The following PRKRIP1 variants were observed in gnomAD, a reference collection of about 807,000 sequenced individuals.
PRKRIP1 encodes the protein PRKR-interacting protein 1.
Under a neutral mutation model 29.3 loss-of-function variants are expected in PRKRIP1, and 29 were observed. The ratio of observed to expected loss-of-function variants is 0.99; its 90% CI spans 0.74 to 1.35. PRKRIP1 has a LOEUF of 1.35. Among genes scored for constraint, PRKRIP1 ranks in the 40% most tolerant of loss-of-function variants. PRKRIP1 has a pLI of 0.00. For synonymous variants in PRKRIP1, 90 were observed against 85.1 expected (o/e 1.06, Z -0.32); for missense variants, 247 against 236.8 (o/e 1.04, Z -0.28).
At chr7:102,403,630 G>A (rs1382998932) in intron 3 of PRKRIP1, among the ~76,000 whole-genome samples, 1 of 152,184 alleles carries the variant, frequency 6.6e-6, no homozygotes, top group East Asian at 1.9e-4. Flanking sequence ...CTGAGTATCA[G>A]CCTCCCAAAG....
At chr7:102,407,642 A>G (rs1168447667) in intron 5 of PRKRIP1, 144 bp downstream of exon 5, 1 of 647,576 alleles carries the variant, frequency 1.5e-6, no homozygotes, top group African/African-American at 1.8e-5. Flanking sequence ...ATTAGCTAGG[A>G]CCCATTGAAT....
At chr7:102,399,470 C>T in intron 2 of PRKRIP1, 78 bp from the exon 3 acceptor site, 1 of 1,187,594 alleles carries the variant, frequency 8.4e-7, no homozygotes. Flanking sequence ...CTTTTTGTTT[C>T]TTTAGTCACC....
At chr7:102,403,625 T>C (rs1796130269) in intron 3 of PRKRIP1, among the ~76,000 whole-genome samples, 1 of 152,200 alleles carries the variant, frequency 6.6e-6, no homozygotes, top group South Asian at 2.1e-4. Context: ...GCCTCCTGAG[T>C]ATCAGCCTCC....
chr7:102,401,856 T>C (rs1298253138), intron 3 of PRKRIP1, among the ~76,000 whole-genome samples: 1 of 152,142 alleles, frequency 6.6e-6, no homozygotes, highest in African/African-American at 2.4e-5. Flanking sequence ...TGAGCTGAGA[T>C]TGTGCCACTG....
intron 5 of PRKRIP1, among the ~76,000 whole-genome samples, chr7:102,417,991 A>C (rs1424838625): frequency 1.3e-5 from 2 of 150,174 alleles, no homozygotes; most frequent in Non-Finnish European, 3.0e-5. Flanking sequence ...ACCTGGGATC[A>C]GCCATTTGTC....
intron 5 of PRKRIP1, among the ~76,000 whole-genome samples, chr7:102,421,754 G>C (rs577717119): frequency 6.6e-6 from 1 of 151,268 alleles, no homozygotes; most frequent in African/African-American, 2.4e-5. Flanking sequence ...CCAAGATCGC[G>C]CCACTGCCCT....
intron 5 of PRKRIP1, among the ~76,000 whole-genome samples, chr7:102,409,456 T>C (rs1284549414): frequency 6.6e-6 from 1 of 151,960 alleles, no homozygotes; most frequent in Non-Finnish European, 1.5e-5. Context: ...AAGGGGTTAT[T>C]GTAGCTTGGA....
chr7:102,396,581 C>A (rs1795904553), intron 1 of PRKRIP1, 44 bp downstream of exon 1: 18 of 1,581,476 alleles, frequency 1.1e-5, no homozygotes, highest in Non-Finnish European at 1.5e-5. Context: ...AGGCCCACCC[C>A]CTTCCTCTGC....
At chr7:102,419,556 G>A (rs575556922) in intron 5 of PRKRIP1, among the ~76,000 whole-genome samples, 1 of 152,236 alleles carries the variant, frequency 6.6e-6, no homozygotes, top group South Asian at 2.1e-4. Context: ...TGTTTCCCCT[G>A]TTCAGCCTCC....
intron 3 of PRKRIP1, among the ~76,000 whole-genome samples, chr7:102,401,915 G>A (rs929421837): frequency 6.6e-6 from 1 of 152,078 alleles, no homozygotes; most frequent in African/African-American, 2.4e-5. Context: ...AAAAGAAGAA[G>A]AAAAAATGTC....
intron 3 of PRKRIP1, among the ~76,000 whole-genome samples, chr7:102,401,103 G>T (rs1291772390): frequency 6.6e-6 from 1 of 152,150 alleles, no homozygotes; most frequent in Non-Finnish European, 1.5e-5. Context: ...AGGAATAGAT[G>T]TATGAGTAGA....
intron 3 of PRKRIP1, 191 bp from the exon 4 acceptor site, chr7:102,404,407 A>G: frequency 1.7e-6 from 1 of 575,824 alleles, no homozygotes; most frequent in Non-Finnish European, 3.1e-6. Context: ...TCGCCATCGG[A>G]GACCTATGTA....
At chr7:102,422,116 T>C (rs1796708567) in intron 5 of PRKRIP1, among the ~76,000 whole-genome samples, 1 of 150,780 alleles carries the variant, frequency 6.6e-6, no homozygotes, top group Non-Finnish European at 1.5e-5. Flanking sequence ...TGATGGTTCA[T>C]TGTACACAAC....
In PRKRIP1 at chr7:102,415,022, A is replaced by G. The variant is rs1796495488; in HGVS notation, c.457+7524A>G. Among the ~76,000 whole-genome samples the G allele has an allele frequency of 2.6e-5, 4 of 152,320 alleles. No homozygotes were observed. In the South Asian group the frequency reaches 6.2e-4, roughly 24 times the overall value. ...CGAAGAGATAGCCCCAGTTTTTACC[A>G]TTGACAGTGTATGTAACAGGGTACA... On this transcript the variant is annotated intron_variant, in intron 5 of 5. Transcript: ENST00000397912.
intron 5 of PRKRIP1, among the ~76,000 whole-genome samples, chr7:102,416,114 G>A (rs1412712452): frequency 2.0e-5 from 3 of 152,176 alleles, no homozygotes; most frequent in Non-Finnish European, 4.4e-5. Context: ...CGCCTTTCCT[G>A]CCAGCCTGCC....
chr7:102,421,915 C>T (rs1490040075), intron 5 of PRKRIP1, among the ~76,000 whole-genome samples: 2 of 152,048 alleles, frequency 1.3e-5, no homozygotes, highest in African/African-American at 2.4e-5. Context: ...CACAGCTGTG[C>T]TGCTTAATTA....
intron 4 of PRKRIP1, among the ~76,000 whole-genome samples, chr7:102,405,226 C>T (rs1272854767): frequency 2.6e-5 from 4 of 152,172 alleles, no homozygotes; most frequent in African/African-American, 7.2e-5. Flanking sequence ...CACACACGGC[C>T]GCATCTGTAT....
At position 102,419,875 on chromosome 7, in the gene PRKRIP1, GTGTGTGTGTGTGTGTGTGTGTT is replaced by G. The variant is rs1188911107; in HGVS notation, c.458-5137_458-5116del. On this transcript the variant is annotated intron_variant, in intron 5 of 5. Coordinates refer to ENST00000397912, the MANE Select transcript of PRKRIP1 (RefSeq NM_024653.4). ...TGTGTGTGTGTGTGTGTGTGTGTGTGTGTGTGTGTGTGTGTGTGTGTTTTTGAGATGGAGTCTCTCTGTCGCC... is the reference window on the plus strand; with the variant it reads ...TGTGTGTGTGTGTGTGTGTGTGTGTGTTTGAGATGGAGTCTCTCTGTCGCC... 8.3e-3 allele frequency among the ~76,000 whole-genome samples: 1,257 copies of G among 151,024 alleles called. 20 individuals carry two copies. Among genetic ancestry groups the G allele is most frequent in the African/African-American group, 0.029 (1,199 of 41,126 alleles).
intron 5 of PRKRIP1, among the ~76,000 whole-genome samples, chr7:102,417,202 C>T (rs1401116169): frequency 6.6e-6 from 1 of 152,118 alleles, no homozygotes; most frequent in African/African-American, 2.4e-5. Context: ...GTTGCCCAGG[C>T]TGGTGCCATC....
Sources: gnomAD v4.1 joint callset for allele counts (sites outside exome capture counted in the v4.1 genomes callset) on GRCh38, gnomAD v4.1.1 for gene constraint, MANE v1.5 for transcripts, NCBI Gene and HGNC (gene_info 2026-07-23, HGNC 2026-07-21) for gene names.